Variants in SUCLG1 observed in about 807,000 individuals in gnomAD.
The protein encoded by SUCLG1 is succinate--CoA ligase [ADP/GDP-forming] subunit alpha, mitochondrial.
In SUCLG1, 26 loss-of-function variants were observed where a neutral mutation model predicts 37.3. The observed-to-expected ratio is 0.70, with a 90% CI of 0.51 to 0.97. The LOEUF is 0.97. SUCLG1 is among the 50% of genes least tolerant of loss of function. The pLI is 0.00. For missense variants in SUCLG1, 433 were observed against 432.9 expected (o/e 1.00, Z 0.00); for synonymous variants, 163 against 155.6 (o/e 1.05, Z -0.36).
chr2:84,442,036 C>T (rs1255319808), intron 3 of SUCLG1, among the ~76,000 whole-genome samples: 3 of 152,028 alleles, frequency 2.0e-5, no homozygotes, highest in Non-Finnish European at 4.4e-5. Flanking sequence ...ATTCAAAAAG[C>T]CCTTTGTAAG....
Position 84,459,144 on chromosome 2 carries a change from G to A in SUCLG1, c.97+29C>T, listed in dbSNP as rs543411895. On this transcript the variant is annotated intron_variant, in intron 1 of 8. Transcript: ENST00000393868. ...CCGGCGGGGCCAATAACCCGCGGGCGCCAGGAAGACAGTACTGGCTGGACT... is the reference window on the plus strand; with the variant it reads ...CCGGCGGGGCCAATAACCCGCGGGCACCAGGAAGACAGTACTGGCTGGACT... The A allele has an allele frequency of 4.5e-5, 69 of 1,529,454 alleles. No individual in the cohort carries two copies. The African/African-American group carries it at 8.1e-4, about 18-fold the overall frequency. 94.7% of individuals were successfully genotyped at this position (1,529,454 alleles called of 1,614,324 possible). A position where few individuals can be genotyped will look rare whatever the true frequency, so the allele number is the denominator to read the frequency against.
At chr2:84,452,183 TA>T (rs35100622) in intron 1 of SUCLG1, among the ~76,000 whole-genome samples, 2,179 of 114,568 alleles carry the variant, frequency 0.019, 28 homozygotes, top group African/African-American at 0.051. Flanking sequence ...AGTACTATAA[TA>T]AAAAAAAAAA....
intron 7 of SUCLG1, 83 bp from the exon 8 acceptor site, chr2:84,425,686 T>C: frequency 6.7e-7 from 1 of 1,500,598 alleles, no homozygotes; most frequent in South Asian, 1.1e-5. Flanking sequence ...TGCTGGTAAA[T>C]GGTAAATGGC....
Position 84,441,277 on chromosome 2 carries a change from T to C in SUCLG1, c.501A>G (p.Leu167=). ...TGACTCCAGGGCAGTTGGGCCCAAT[T>C]AGCCTTGTCTTTTCCTGGCGCAGCA... ...HKLLRQEKTR[L]IGPNCPGVIN... is the part of the protein sequence containing the mutation. Residue 167 remains leucine, a synonymous_variant, in exon 4 of 9, where the codon CTA becomes CTG. Transcript: ENST00000393868. The C allele has an allele frequency of 1.2e-6, 2 of 1,614,122 alleles. No individual in the cohort carries two copies. Among genetic ancestry groups the C allele is most frequent in the South Asian group, 2.2e-5 (2 of 91,076 alleles).
chr2:84,444,565 G>C (rs897263203), intron 2 of SUCLG1, among the ~76,000 whole-genome samples: 3 of 152,196 alleles, frequency 2.0e-5, no homozygotes, highest in African/African-American at 7.2e-5. Flanking sequence ...AATTAAAATT[G>C]CTAATGAAGT....
At chr2:84,449,126 C>A (rs1385080269) in intron 2 of SUCLG1, among the ~76,000 whole-genome samples, 1 of 152,144 alleles carries the variant, frequency 6.6e-6, no homozygotes, top group Non-Finnish European at 1.5e-5. Flanking sequence ...GGCAATTCTG[C>A]CTGCTAGTCC....
chr2:84,452,273 G>C (rs1444042268), intron 1 of SUCLG1, among the ~76,000 whole-genome samples: 1 of 152,000 alleles, frequency 6.6e-6, no homozygotes, highest in African/African-American at 2.4e-5. Context: ...TAAGAGGTGG[G>C]GAGGGTGACA....
intron 5 of SUCLG1, among the ~76,000 whole-genome samples, chr2:84,439,815 T>C (rs967291797): frequency 6.6e-6 from 1 of 152,214 alleles, no homozygotes; most frequent in East Asian, 1.9e-4. Flanking sequence ...CTTTGGCTAT[T>C]TCCTCAAGGA....
At chr2:84,444,858 G>A (rs1161853310) in intron 2 of SUCLG1, among the ~76,000 whole-genome samples, 1 of 152,152 alleles carries the variant, frequency 6.6e-6, no homozygotes, top group African/African-American at 2.4e-5. Context: ...ATTTGCTTTT[G>A]AAAAAATATG....
intron 2 of SUCLG1, among the ~76,000 whole-genome samples, chr2:84,448,649 A>T (rs995935396): frequency 6.6e-5 from 10 of 152,024 alleles, no homozygotes; most frequent in African/African-American, 2.2e-4. Flanking sequence ...ATTCCCTTTT[A>T]AAAAAATTCT....
At chr2:84,453,030 A>G (rs374241671) in intron 1 of SUCLG1, among the ~76,000 whole-genome samples, 48 of 152,220 alleles carry the variant, frequency 3.2e-4, no homozygotes, top group African/African-American at 1.1e-3. Flanking sequence ...TAGAGACTGC[A>G]TGGAAGTTCG....
Position 84,433,356 on chromosome 2 carries a change from G to T in SUCLG1, c.669C>A (p.Cys223Ter). ...ATTTTAGCAAAAGTCCCTCACCAAC[G>T]CACAAAGACTGCCCCAATCCAACTT... ...TTQVGLGQSLCVGIGGDPFNG... is the reference protein window; with the variant it reads ...TTQVGLGQSL The change falls in exon 6 of 9, where the codon TGC becomes TGA. Residue 223 changes from cysteine to a stop codon, truncating the protein, a stop_gained. Transcript: ENST00000393868. LOFTEE classifies it high-confidence loss of function. The T allele has an allele frequency of 1.2e-6, 2 of 1,613,720 alleles. No homozygotes were observed.
At chr2:84,440,943 C>A in intron 5 of SUCLG1, 104 bp downstream of exon 5, 1 of 1,162,812 alleles carries the variant, frequency 8.6e-7, no homozygotes, top group South Asian at 1.3e-5. Context: ...CTACTCAAGT[C>A]AAATTAATTA....
Position 84,446,313 on chromosome 2 carries a change from G to A in SUCLG1, c.202-2913C>T, listed in dbSNP as rs1020896606. Among the ~76,000 whole-genome samples, 6 of 152,186 alleles carry A rather than the reference G, an allele frequency of 3.9e-5. No individual in the cohort carries two copies. The South Asian group carries it at 6.2e-4, about 16-fold the overall frequency. On this transcript the variant is annotated intron_variant, in intron 2 of 8. Coordinates refer to ENST00000393868, the MANE Select transcript of SUCLG1 (RefSeq NM_003849.4). ...AAAATGTAAATTCCATGAAGACAGTGATTTATGTCCACTTTGTTCATTGCA... is the reference window on the plus strand; with the variant it reads ...AAAATGTAAATTCCATGAAGACAGTAATTTATGTCCACTTTGTTCATTGCA...
chr2:84,456,509 C>T (rs1673022662), intron 1 of SUCLG1, among the ~76,000 whole-genome samples: 2 of 152,134 alleles, frequency 1.3e-5, no homozygotes, highest in Non-Finnish European at 2.9e-5. Context: ...AAACTACTGA[C>T]CAGTTTTAAA....
In SUCLG1 at chr2:84,431,693, T is replaced by A. The variant is rs111970833; in HGVS notation, c.674-34A>T. 9.3e-6 allele frequency: 15 copies of A among 1,612,402 alleles called. No individual in the cohort carries two copies. In the African/African-American group the frequency reaches 9.3e-5, roughly 10 times the overall value. On this transcript the variant is annotated intron_variant, in intron 6 of 8. Coordinates refer to ENST00000393868, the MANE Select transcript of SUCLG1 (RefSeq NM_003849.4). ...GTTGAAAAATATCAATAGCTGGAAA[T>A]TTAAGGGTGAACCATGGAATTTAGG...
chr2:84,451,723 A>G (rs1223214969), intron 1 of SUCLG1, among the ~76,000 whole-genome samples: 1 of 152,202 alleles, frequency 6.6e-6, no homozygotes, highest in African/African-American at 2.4e-5. Flanking sequence ...CAGCCTGTGC[A>G]ATGCCCCTGA....
At position 84,447,309 on chromosome 2, in the gene SUCLG1, C is replaced by CAACA. The variant is rs386390632; in HGVS notation, c.201+2339_201+2340insTGTT. 3.0e-3 allele frequency among the ~76,000 whole-genome samples: 451 copies of CAACA among 151,218 alleles called. 4 individuals carry two copies. The highest frequency in any genetic ancestry group is 0.024 in the Admixed American group (371 of 15,196). ...ACACTCTCACTTACTTTAAAAACAA[C>CAACA]AAAAAAAAGGAGAGTGAATGAGAAA... On this transcript the variant is annotated intron_variant, in intron 2 of 8. Transcript: ENST00000393868.
At chr2:84,458,966 C>A (rs955132415) in intron 1 of SUCLG1, among the ~76,000 whole-genome samples, 2 of 152,214 alleles carry the variant, frequency 1.3e-5, no homozygotes, top group Admixed American at 1.3e-4. Flanking sequence ...CATCTGCCAG[C>A]GGCCTAAGTC....
Sources: allele counts gnomAD v4.1 joint callset (sites outside exome capture counted in the v4.1 genomes callset), GRCh38; gene constraint gnomAD v4.1.1; transcripts MANE v1.5; gene names NCBI Gene and HGNC (gene_info 2026-07-23, HGNC 2026-07-21).